FRMD4B: variants seen among roughly 807,000 people sequenced by gnomAD.
The protein encoded by FRMD4B is FERM domain-containing protein 4B.
Under a neutral mutation model 141.5 loss-of-function variants are expected in FRMD4B, and 74 were observed. That is an observed-to-expected ratio of 0.52 (90% CI 0.43 to 0.63). The LOEUF (loss-of-function observed/expected upper bound fraction) is 0.63, where lower values mean the gene tolerates loss of function less well. Among genes scored for constraint, FRMD4B ranks in the 30% least tolerant of loss-of-function variants. The probability of loss-of-function intolerance (pLI) is 0.00; values close to 1 mark genes in which losing one functional copy is unlikely to be tolerated. For missense variants in FRMD4B, 1,366 were observed against 1,253.4 expected, an observed-to-expected ratio of 1.09 and a Z score of -1.36; for synonymous variants, 506 against 467.9, an observed-to-expected ratio of 1.08 and a Z score of -1.05.
intron 7 of FRMD4B, among the ~76,000 whole-genome samples, chr3:69,239,588 T>C (rs887678622): frequency 9.2e-5 from 14 of 152,184 alleles, no homozygotes; most frequent in African/African-American, 2.4e-4. Flanking sequence ...CAGGTTAACA[T>C]GAAAATCTAC....
chr3:69,300,029 T>C (rs988293541), intron 4 of FRMD4B, among the ~76,000 whole-genome samples: 2 of 152,204 alleles, frequency 1.3e-5, no homozygotes, highest in Admixed American at 1.3e-4. Context: ...TGGAGATTTG[T>C]TGATGGTGTC....
chr3:69,303,523 T>C (rs1701287206), intron 3 of FRMD4B, among the ~76,000 whole-genome samples: 1 of 152,172 alleles, frequency 6.6e-6, no homozygotes, highest in African/African-American at 2.4e-5. Context: ...CTGATAACAC[T>C]AGTTGACTTT....
In FRMD4B at chr3:69,182,673, C is replaced by T; in HGVS notation, c.1964G>A (p.Arg655Lys). 1 of 1,613,630 alleles carries T rather than the reference C, an allele frequency of 6.2e-7. No homozygotes were observed. The highest frequency in any genetic ancestry group is 1.1e-5 in the South Asian group (1 of 91,068). ...THSSPYKTLE[R>K]RPQGGRSMPT... ...CATGCTTCGTCCTCCCTGGGGCCGC[C>T]TCTCCAGAGTTTTGTAAGGGCTGCT... The change falls in exon 20 of 23, where the codon AGG becomes AAG. Residue 655 changes from arginine (R) to lysine (K), a missense_variant. Transcript: ENST00000398540.
intron 17 of FRMD4B, among the ~76,000 whole-genome samples, chr3:69,190,677 A>T (rs551498041): frequency 2.0e-5 from 3 of 152,290 alleles, no homozygotes; most frequent in Admixed American, 2.0e-4. Flanking sequence ...GGCCTCCCAA[A>T]GTACTGGGAT....
intron 2 of FRMD4B, among the ~76,000 whole-genome samples, chr3:69,403,691 A>T (rs1704604682): frequency 6.6e-6 from 1 of 152,194 alleles, no homozygotes; most frequent in African/African-American, 2.4e-5. Flanking sequence ...TCAGCTTGAA[A>T]ATAAAAGAGG....
intron 5 of FRMD4B, among the ~76,000 whole-genome samples, chr3:69,267,942 T>G (rs546003473): frequency 6.6e-6 from 1 of 151,848 alleles, no homozygotes. Flanking sequence ...CTAATACATA[T>G]TTTTAAGTGA....
chr3:69,540,632 A>ATAT (rs1204897443), intron 1 of FRMD4B, among the ~76,000 whole-genome samples: 14 of 73,264 alleles, frequency 1.9e-4, no homozygotes, highest in South Asian at 1.1e-3. Flanking sequence ...AAAAAAAAAA[A>ATAT]AAAAATATAT....
At chr3:69,196,170 A>T in intron 14 of FRMD4B, 85 bp downstream of exon 14, 1 of 1,022,350 alleles carries the variant, frequency 9.8e-7, no homozygotes, top group Non-Finnish European at 1.4e-6. Context: ...ATAATGGATT[A>T]AAAGATGAAT....
chr3:69,225,136 CT>C (rs1366854093), intron 7 of FRMD4B, among the ~76,000 whole-genome samples: 2 of 152,086 alleles, frequency 1.3e-5, no homozygotes, highest in African/African-American at 4.8e-5. Flanking sequence ...TTTATGTAGT[CT>C]TTTATATTAC....
intron 1 of FRMD4B, among the ~76,000 whole-genome samples, chr3:69,366,566 G>GAA (rs1703664156): frequency 6.7e-6 from 1 of 148,388 alleles, no homozygotes; most frequent in Non-Finnish European, 1.5e-5. Flanking sequence ...TATAGGTTTA[G>GAA]AAAATATCTG....
At chr3:69,320,334 T>C (rs912752383) in intron 1 of FRMD4B, among the ~76,000 whole-genome samples, 5 of 152,198 alleles carry the variant, frequency 3.3e-5, no homozygotes, top group African/African-American at 9.7e-5. Context: ...GGCTCACTCT[T>C]GTAATCTCAA....
chr3:69,339,381 C>A (rs977226960), intron 1 of FRMD4B, among the ~76,000 whole-genome samples: 1 of 152,100 alleles, frequency 6.6e-6, no homozygotes, highest in Non-Finnish European at 1.5e-5. Context: ...TGACACTAGC[C>A]GGTGGGACTT....
intron 16 of FRMD4B, among the ~76,000 whole-genome samples, chr3:69,194,124 G>T (rs2092872684): frequency 6.6e-6 from 1 of 152,132 alleles, no homozygotes; most frequent in Non-Finnish European, 1.5e-5. Context: ...CAGTTGGTTG[G>T]GAGAAGATCA....
chr3:69,270,962 G>A (rs1168091483), intron 5 of FRMD4B, among the ~76,000 whole-genome samples: 2 of 152,124 alleles, frequency 1.3e-5, no homozygotes, highest in African/African-American at 4.8e-5. Flanking sequence ...ATTCACTGGT[G>A]CTCAAATTCC....
intron 7 of FRMD4B, among the ~76,000 whole-genome samples, chr3:69,246,941 G>A (rs1187948199): frequency 6.6e-6 from 1 of 152,116 alleles, no homozygotes; most frequent in Non-Finnish European, 1.5e-5. Flanking sequence ...CTTTGCCTCA[G>A]GCAAGGGATC....
At chr3:69,539,055 A>G (rs913672198) in intron 1 of FRMD4B, among the ~76,000 whole-genome samples, 2 of 152,202 alleles carry the variant, frequency 1.3e-5, no homozygotes, top group African/African-American at 4.8e-5. Flanking sequence ...TGATAAGATC[A>G]GATCTCTGGG....
intron 7 of FRMD4B, among the ~76,000 whole-genome samples, chr3:69,248,606 T>C (rs983038329): frequency 2.6e-5 from 4 of 152,304 alleles, no homozygotes; most frequent in Non-Finnish European, 4.4e-5. Context: ...AAGGGAAGCA[T>C]TGCCTCCACC....
chr3:69,253,797 G>T (rs113092502), intron 5 of FRMD4B, among the ~76,000 whole-genome samples: 1 of 152,182 alleles, frequency 6.6e-6, no homozygotes, highest in African/African-American at 2.4e-5. Flanking sequence ...AATAAAAACA[G>T]TTTATTGAAG....
At chr3:69,389,032 C>CT (rs34005688), upstream of FRMD4B, among the ~76,000 whole-genome samples, 1,009 of 108,744 alleles carry the variant, frequency 9.3e-3, 19 homozygotes, top group East Asian at 0.079. Flanking sequence ...TCTTAGTCTA[C>CT]TTTTTTTTTT....
Sources: gnomAD v4.1 joint callset for allele counts (sites outside exome capture counted in the v4.1 genomes callset) on GRCh38, gnomAD v4.1.1 for gene constraint, MANE v1.5 for transcripts, NCBI Gene and HGNC (gene_info 2026-07-23, HGNC 2026-07-21) for gene names.